The following CCDC43 variants were observed in gnomAD, a reference collection of about 807,000 sequenced individuals.
CCDC43 encodes coiled-coil domain-containing protein 43.
In CCDC43, 20 loss-of-function variants were observed where a neutral mutation model predicts 33.3. The observed-to-expected ratio is 0.60, with a 90% confidence interval of 0.42 to 0.87. The LOEUF is 0.87. Ranked by LOEUF, CCDC43 falls within the 40% of genes least tolerant of loss-of-function variation. The probability of loss-of-function intolerance (pLI) is 0.00; values close to 1 mark genes in which losing one functional copy is unlikely to be tolerated. For synonymous variants in CCDC43, 104 were observed against 106.5 expected (o/e 0.98, Z 0.14); for missense variants, 248 against 269.9 (o/e 0.92, Z 0.57).
At chr17:44,684,472 C>T (rs944777732) in intron 1 of CCDC43, among the ~76,000 whole-genome samples, 12 of 151,866 alleles carry the variant, frequency 7.9e-5, no homozygotes, top group African/African-American at 2.7e-4. Flanking sequence ...CTGAGGAGGG[C>T]GGATCACTTG....
intron 3 of CCDC43, among the ~76,000 whole-genome samples, chr17:44,681,387 G>A (rs868078293): frequency 1.2e-4 from 18 of 152,224 alleles, no homozygotes; most frequent in South Asian, 4.2e-4. Flanking sequence ...GCAGTGAGCC[G>A]AGATTGTACC....
In CCDC43 at chr17:44,677,678, C is replaced by T. The variant is rs893050837; in HGVS notation, c.*1178G>A. 1.3e-5 allele frequency: 2 copies of T among 152,016 alleles called. No individual in the cohort carries two copies. The highest frequency in any genetic ancestry group is 2.9e-5 in the Non-Finnish European group (2 of 67,996). The allele number at this position is 152,016 out of a possible 1,614,324, so 9.4% of individuals were successfully genotyped here. On this transcript the variant is annotated 3_prime_UTR_variant, in exon 5 of 5. Transcript: ENST00000315286. ...AGTAAATATTTTAGATTTCACAGAC[C>T]ACATATTTTTTTCTTTTATAACTCT...
chr17:44,678,773 C>T lies in CCDC43; in HGVS notation c.*83G>A. On this transcript the variant is annotated 3_prime_UTR_variant, in exon 5 of 5. Coordinates refer to ENST00000315286, the MANE Select transcript of CCDC43 (RefSeq NM_144609.3). ...GGAAATGCCTTGGGAAACTACTTTG[C>T]AATGCACTCTCATTTCTCTTAAATA... The T allele has an allele frequency of 1.5e-6, 2 of 1,351,814 alleles. No homozygotes were observed. Among genetic ancestry groups the T allele is most frequent in the Non-Finnish European group, 2.0e-6 (2 of 996,282 alleles). 83.7% of individuals were successfully genotyped at this position (1,351,814 alleles called of 1,614,324 possible).
At position 44,689,718 on chromosome 17, in the gene CCDC43, A is replaced by G. The variant is rs1478538335; in HGVS notation, c.36T>C (p.Pro12=). 1 of 1,592,174 alleles carries G rather than the reference A, an allele frequency of 6.3e-7. No individual in the cohort carries two copies. The highest frequency in any genetic ancestry group is 1.1e-5 in the South Asian group (1 of 88,348). Residue 12 remains proline, a synonymous_variant, in exon 1 of 5, where the codon CCT becomes CCC. Coordinates refer to ENST00000315286, the MANE Select transcript of CCDC43 (RefSeq NM_144609.3). Reference sequence around the variant, plus strand: ...CGCCGCCTCCGCCATCGCCTTCGCCAGGGGCTATCGCGGCCACTTCGCTGG... The same window carrying G: ...CGCCGCCTCCGCCATCGCCTTCGCCGGGGGCTATCGCGGCCACTTCGCTGG... ...AAPSEVAAIA[P]GEGDGGGGGF...
In CCDC43 at chr17:44,677,724, T is replaced by A. The variant is rs561421412; in HGVS notation, c.*1132A>T. On this transcript the variant is annotated 3_prime_UTR_variant, in exon 5 of 5. Transcript: ENST00000315286. ...ACTCTTTAAAAATGTAAAAATCATTTTTAGTTTGCACCATACAAAAACAGA... is the reference window on the plus strand; with the variant it reads ...ACTCTTTAAAAATGTAAAAATCATTATTAGTTTGCACCATACAAAAACAGA... The A allele has an allele frequency of 6.6e-6, 1 of 152,340 alleles. No homozygotes were observed. Among genetic ancestry groups the A allele is most frequent in the South Asian group, 2.1e-4 (1 of 4,830 alleles). 9.4% of individuals were successfully genotyped at this position (152,340 alleles called of 1,614,324 possible). A position where few individuals can be genotyped will look rare whatever the true frequency, so the allele number is the denominator to read the frequency against.
At chr17:44,682,189 AC>A in intron 2 of CCDC43, 51 bp from the exon 3 acceptor site, 1 of 1,608,088 alleles carries the variant, frequency 6.2e-7, no homozygotes, top group Non-Finnish European at 8.5e-7. Flanking sequence ...GAACAAGCTC[AC>A]TGAACCACTA....
At position 44,682,025 on chromosome 17, in the gene CCDC43, C is replaced by T; in HGVS notation, c.406G>A (p.Ala136Thr). The part of the protein sequence containing the change: ...QRKAALLAQY[A>T]DVTDEEDEAD... ...TATTCCTCTTCATCTGTCACATCAG[C>T]ATACTGGGCCAGGAGGGCAGCTTTT... Residue 136 changes from alanine (A) to threonine (T), a missense_variant, in exon 3 of 5, where the codon GCT (alanine) becomes ACT (threonine). Ala to Thr is a moderately conservative substitution (Grantham distance 58, BLOSUM62 0). Transcript: ENST00000315286. 6.2e-7 allele frequency: 1 copy of T among 1,614,028 alleles called. No homozygotes were observed. Among genetic ancestry groups the T allele is most frequent in the Non-Finnish European group, 8.5e-7 (1 of 1,179,896 alleles).
intron 1 of CCDC43, among the ~76,000 whole-genome samples, chr17:44,684,378 C>T (rs542843169): frequency 6.6e-6 from 1 of 152,170 alleles, no homozygotes; most frequent in Non-Finnish European, 1.5e-5. Flanking sequence ...TCTATCACCT[C>T]ACATATTTCT....
intron 1 of CCDC43, 46 bp from the exon 2 acceptor site, chr17:44,684,005 A>G (rs768577833): frequency 2.4e-6 from 3 of 1,227,634 alleles, no homozygotes; most frequent in Non-Finnish European, 3.6e-6. Context: ...GAGCCCTCAA[A>G]AACAATAGTA....
chr17:44,680,766 G>A, intron 3 of CCDC43, 123 bp from the exon 4 acceptor site: 1 of 691,792 alleles, frequency 1.4e-6, no homozygotes, highest in South Asian at 1.7e-5. Flanking sequence ...CAGGGATATG[G>A]CGATAAACCC....
intron 1 of CCDC43, 165 bp downstream of exon 1, chr17:44,689,385 G>A (rs1972288198): frequency 1.0e-6 from 1 of 982,318 alleles, no homozygotes; most frequent in Non-Finnish European, 1.5e-6. Flanking sequence ...ACACCTGGTT[G>A]GGGAGCAACC....
In CCDC43 at chr17:44,680,704, T is replaced by C. The variant is rs1598733796; in HGVS notation, c.429-61A>G. The C allele has an allele frequency of 4.8e-6, 6 of 1,244,092 alleles. No homozygotes were observed. In the East Asian group the frequency reaches 9.4e-5, roughly 19 times the overall value. The allele number at this position is 1,244,092 out of a possible 1,614,324, so 77.1% of individuals were successfully genotyped here. A position where few individuals can be genotyped will look rare whatever the true frequency, so the allele number is the denominator to read the frequency against. The stretch of plus-strand genomic sequence containing the variant: ...CATCCCAACCTAACATTAGAAAACA[T>C]TCAATAGACTGGTAAGTAGGAAAAG... On this transcript the variant is annotated intron_variant, in intron 3 of 4. Coordinates refer to ENST00000315286, the MANE Select transcript of CCDC43 (RefSeq NM_144609.3).
At position 44,678,767 on chromosome 17, in the gene CCDC43, A is replaced by C. The variant is rs888227845; in HGVS notation, c.*89T>G. The stretch of plus-strand genomic sequence containing the variant: ...AATAGGGGAAATGCCTTGGGAAACT[A>C]CTTTGCAATGCACTCTCATTTCTCT... On this transcript the variant is annotated 3_prime_UTR_variant, in exon 5 of 5. Transcript: ENST00000315286. The C allele has an allele frequency of 2.3e-6, 3 of 1,302,506 alleles. No individual in the cohort carries two copies. Among genetic ancestry groups the C allele is most frequent in the Non-Finnish European group, 1.0e-6 (1 of 955,766 alleles). The allele number at this position is 1,302,506 out of a possible 1,614,324, so 80.7% of individuals were successfully genotyped here.
At chr17:44,683,493 C>G (rs1334304676) in intron 2 of CCDC43, among the ~76,000 whole-genome samples, 1 of 151,838 alleles carries the variant, frequency 6.6e-6, no homozygotes, top group Non-Finnish European at 1.5e-5. Flanking sequence ...TACGCCACTG[C>G]ACTCCAGCCT....
intron 4 of CCDC43, among the ~76,000 whole-genome samples, chr17:44,679,533 C>G (rs1972125293): frequency 6.6e-6 from 1 of 152,074 alleles, no homozygotes; most frequent in African/African-American, 2.4e-5. Flanking sequence ...GCTTTTGTTC[C>G]TAGACTACTA....
chr17:44,689,419 CA>C (rs1399469397), intron 1 of CCDC43, 130 bp downstream of exon 1: 19 of 1,351,276 alleles, frequency 1.4e-5, no homozygotes, highest in Middle Eastern at 2.0e-4. Flanking sequence ...GCCCAGATAT[CA>C]GAGGAGTATA....
chr17:44,680,830 A>G (rs1362004981), intron 3 of CCDC43, among the ~76,000 whole-genome samples, 187 bp from the exon 4 acceptor site: 1 of 152,220 alleles, frequency 6.6e-6, no homozygotes, highest in Non-Finnish European at 1.5e-5. Context: ...TATCTTCTAT[A>G]AGATCCTTTT....
At position 44,682,073 on chromosome 17, in the gene CCDC43, C is replaced by T; in HGVS notation, c.358G>A (p.Val120Met). Reference protein sequence around the residue: ...QAQIVVKPRMVSEEEKQRKAA... With the variant: ...QAQIVVKPRMMSEEEKQRKAA... ...TTTCTCTGCTTCTCCTCTTCTGACA[C>T]CATCCTTGGCTTTACTACGATTTGT... Residue 120 changes from valine to methionine, a missense_variant, in exon 3 of 5, where the codon GTG becomes ATG. By Grantham distance (21) the Val-to-Met change is conservative (BLOSUM62 1). Transcript: ENST00000315286. 6.2e-7 allele frequency: 1 copy of T among 1,614,012 alleles called. No homozygotes were observed. The highest frequency in any genetic ancestry group is 8.5e-7 in the Non-Finnish European group (1 of 1,179,890).
intron 1 of CCDC43, among the ~76,000 whole-genome samples, chr17:44,685,020 A>G (rs1972213613): frequency 1.3e-5 from 2 of 152,128 alleles, no homozygotes; most frequent in Admixed American, 1.3e-4. Context: ...TCCTGACCTC[A>G]AGCAATCCTC....
Sources: gnomAD v4.1 joint callset for allele counts (sites outside exome capture counted in the v4.1 genomes callset) on GRCh38, gnomAD v4.1.1 for gene constraint, MANE v1.5 for transcripts, NCBI Gene and HGNC (gene_info 2026-07-23, HGNC 2026-07-21) for gene names.